Variants in TRAPPC9 observed in about 807,000 individuals in gnomAD.
TRAPPC9 encodes the protein IKK2 binding protein.
A neutral mutation model predicts 124.0 loss-of-function variants in TRAPPC9; 83 were observed. The ratio of observed to expected loss-of-function variants is 0.67; its 90% CI spans 0.56 to 0.80. TRAPPC9 has a LOEUF of 0.80. TRAPPC9 is among the 30% of genes least tolerant of loss of function. The probability of loss-of-function intolerance (pLI) is 0.00; values close to 1 mark genes in which losing one functional copy is unlikely to be tolerated. For synonymous variants in TRAPPC9, 638 were observed against 617.5 expected, an observed-to-expected ratio of 1.03 and a Z score of -0.49; for missense variants, 1,302 against 1,508.3, an observed-to-expected ratio of 0.86 and a Z score of 2.27.
At chr8:140,094,650 G>A (rs1844807800) in intron 17 of TRAPPC9, among the ~76,000 whole-genome samples, 2 of 152,174 alleles carry the variant, frequency 1.3e-5, no homozygotes, top group African/African-American at 4.8e-5. Context: ...CTCAAGAAGA[G>A]GGCCTCGTCC....
rs914672543 is a variant in TRAPPC9, at chr8:140,093,832, C to G, written c.2557-69753G>C. The stretch of plus-strand genomic sequence containing the variant: ...CCTGACAATGACTGGCAGGGCTAGA[C>G]TTAGAATCCCAACCATGGCCACACA... On this transcript the variant is annotated intron_variant, in intron 17 of 22. Coordinates refer to ENST00000438773, the MANE Select transcript of TRAPPC9 (RefSeq NM_001160372.4). Among the ~76,000 whole-genome samples, 18 of 152,310 alleles carry G rather than the reference C, an allele frequency of 1.2e-4. 1 individual carries two copies. The highest frequency in any genetic ancestry group is 1.2e-3 in the Admixed American group (18 of 15,308).
In TRAPPC9 at chr8:140,104,051, T is replaced by C. The variant is rs2060624735; in HGVS notation, c.2557-79972A>G. Among the ~76,000 whole-genome samples the C allele has an allele frequency of 6.6e-6, 1 of 152,240 alleles. No homozygotes were observed. The highest frequency in any genetic ancestry group is 1.5e-5 in the Non-Finnish European group (1 of 68,044). On this transcript the variant is annotated intron_variant, in intron 17 of 22. Coordinates refer to ENST00000438773, the MANE Select transcript of TRAPPC9 (RefSeq NM_001160372.4). This position sits in a 1 kb window ranked among gnomAD's most constrained non-coding sequence, Gnocchi z 4.0. The stretch of plus-strand genomic sequence containing the variant: ...GACGCTGGACCATCCCTTTGCTTCC[T>C]ATGTTTATTCATTCACTCAGCAGTT...
intron 21 of TRAPPC9, among the ~76,000 whole-genome samples, chr8:139,782,095 AG>A (rs1302841309): frequency 6.6e-6 from 1 of 152,184 alleles, no homozygotes; most frequent in Non-Finnish European, 1.5e-5. Flanking sequence ...GTATGGAAAA[AG>A]GGGCCAGGTG....
intron 2 of TRAPPC9, among the ~76,000 whole-genome samples, chr8:140,441,095 C>T (rs2071001361): frequency 6.6e-6 from 1 of 150,746 alleles, no homozygotes; most frequent in Non-Finnish European, 1.5e-5. Flanking sequence ...CCTCCCACCT[C>T]AGCCTCCCCA....
At chr8:140,455,313 C>T (rs944571967) in intron 1 of TRAPPC9, among the ~76,000 whole-genome samples, 22 of 148,280 alleles carry the variant, frequency 1.5e-4, no homozygotes, top group Admixed American at 1.4e-3. Context: ...TTGTATTTTC[C>T]GTGGAGATAG....
intron 21 of TRAPPC9, among the ~76,000 whole-genome samples, chr8:139,779,162 C>G (rs987491379): frequency 6.6e-6 from 1 of 152,082 alleles, no homozygotes; most frequent in Middle Eastern, 3.2e-3. Context: ...AATTTCATAT[C>G]ACAAACAATG....
intron 16 of TRAPPC9, among the ~76,000 whole-genome samples, chr8:140,233,209 CTTT>C (rs10710093): frequency 6.8e-6 from 1 of 146,706 alleles, no homozygotes; most frequent in Non-Finnish European, 1.5e-5. Context: ...TTCTTAAGGA[CTTT>C]TTTTTTTTTT....
intron 17 of TRAPPC9, among the ~76,000 whole-genome samples, chr8:140,175,969 G>A (rs1404581421): frequency 6.6e-6 from 1 of 152,204 alleles, no homozygotes; most frequent in African/African-American, 2.4e-5. Flanking sequence ...GGACAGACAC[G>A]TAAAAGACAT....
intron 21 of TRAPPC9, among the ~76,000 whole-genome samples, chr8:139,741,668 C>T (rs1160709968): frequency 1.3e-5 from 2 of 152,024 alleles, no homozygotes; most frequent in African/African-American, 4.8e-5. Flanking sequence ...CATCACTGCC[C>T]TGCCCCCCAG....
chr8:140,352,000 C>T (rs1004279874), intron 9 of TRAPPC9, among the ~76,000 whole-genome samples: 14 of 152,210 alleles, frequency 9.2e-5, no homozygotes, highest in East Asian at 5.8e-4. Context: ...GCCTCAACCC[C>T]ATACCCTTTA....
intron 1 of TRAPPC9, among the ~76,000 whole-genome samples, chr8:140,453,073 T>G (rs1172159017): frequency 2.0e-5 from 3 of 152,220 alleles, no homozygotes; most frequent in Non-Finnish European, 4.4e-5. Flanking sequence ...GAGCTACAAC[T>G]ACTATAGTCT....
intron 17 of TRAPPC9, among the ~76,000 whole-genome samples, chr8:140,078,176 G>C (rs758337367): frequency 6.6e-6 from 1 of 152,168 alleles, no homozygotes; most frequent in Non-Finnish European, 1.5e-5. Context: ...TTTTCTCTGC[G>C]TTCAAATTGC....
intron 17 of TRAPPC9, among the ~76,000 whole-genome samples, chr8:140,106,212 G>A (rs2060661055): frequency 6.6e-6 from 1 of 152,140 alleles, no homozygotes; most frequent in South Asian, 2.1e-4. Flanking sequence ...ACAGCCATCA[G>A]ATCGTGCCAT....
intron 17 of TRAPPC9, among the ~76,000 whole-genome samples, chr8:140,119,405 C>T (rs1203387832): frequency 6.6e-6 from 1 of 152,218 alleles, no homozygotes; most frequent in African/African-American, 2.4e-5. Context: ...CAAGTCCCCA[C>T]CACGCCGCCA....
In TRAPPC9 at chr8:140,311,364, A is replaced by G; in HGVS notation, c.1506T>C (p.Asp502=). The G allele has an allele frequency of 6.2e-7, 1 of 1,613,904 alleles. No individual in the cohort carries two copies. The highest frequency in any genetic ancestry group is 8.5e-7 in the Non-Finnish European group (1 of 1,180,008). ...LDFLSDQEKK[D]VAQSLENYTS... ...TATAGTTCTCTAGGCTTTGGGCCAC[A>G]TCTTTCTTTTCTGAAGAGAAGATGA... The change falls in exon 10 of 23, where the codon GAT becomes GAC. Residue 502 remains aspartate (D), a synonymous_variant. Coordinates refer to ENST00000438773, the MANE Select transcript of TRAPPC9 (RefSeq NM_001160372.4).
At chr8:140,449,088 C>T (rs964629109) in intron 2 of TRAPPC9, among the ~76,000 whole-genome samples, 5 of 152,234 alleles carry the variant, frequency 3.3e-5, no homozygotes, top group African/African-American at 7.2e-5. Flanking sequence ...GCGACTGAGG[C>T]TATTCCATGC....
intron 18 of TRAPPC9, among the ~76,000 whole-genome samples, chr8:140,001,670 C>T (rs1838412612): frequency 6.6e-6 from 1 of 152,140 alleles, no homozygotes; most frequent in African/African-American, 2.4e-5. Context: ...GGAAATACTA[C>T]AAACAACTCT....
At chr8:139,785,681 A>G (rs1235357817) in intron 21 of TRAPPC9, among the ~76,000 whole-genome samples, 3 of 151,538 alleles carry the variant, frequency 2.0e-5, no homozygotes, top group African/African-American at 7.3e-5. Context: ...GTGAGCTGAG[A>G]TTATACCACT....
chr8:139,855,557 G>A (rs901413830), intron 21 of TRAPPC9, among the ~76,000 whole-genome samples: 12 of 152,304 alleles, frequency 7.9e-5, no homozygotes, highest in South Asian at 4.1e-4. Flanking sequence ...TCTCGGCTCC[G>A]CTCCTGACCT....
Sources: gnomAD v4.1 joint callset for allele counts (sites outside exome capture counted in the v4.1 genomes callset) on GRCh38, gnomAD v4.1.1 for gene constraint, Gnocchi (gnomAD v3.1) non-coding constraint, MANE v1.5 for transcripts, NCBI Gene and HGNC (gene_info 2026-07-23, HGNC 2026-07-21) for gene names.